The following DOCK3 variants were observed in gnomAD, a reference collection of about 807,000 sequenced individuals.
DOCK3 encodes the protein dedicator of cytokinesis protein 3.
DOCK3 carries 60 observed loss-of-function variants against 265.6 expected under a neutral mutation model. That is an observed-to-expected ratio of 0.23 (90% CI 0.18 to 0.28). The LOEUF (loss-of-function observed/expected upper bound fraction) is 0.28. Ranked by LOEUF, DOCK3 falls within the 10% of genes least tolerant of loss-of-function variation. The pLI, the probability that DOCK3 is intolerant of heterozygous loss-of-function variation, is 1.00. For missense variants in DOCK3, 1,981 were observed against 2,594.3 expected, an observed-to-expected ratio of 0.76 and a Z score of 5.14; for synonymous variants, 881 against 938.0, an observed-to-expected ratio of 0.94 and a Z score of 1.11.
chr3:50,679,340 A>G (rs1454722694), intron 1 of DOCK3, among the ~76,000 whole-genome samples: 2 of 152,186 alleles, frequency 1.3e-5, no homozygotes, highest in East Asian at 1.9e-4. Context: ...TTAGTAGAAC[A>G]TGAAAAATTT....
chr3:51,368,517 G>A (rs376642931), intron 49 of DOCK3, among the ~76,000 whole-genome samples: 160 of 152,292 alleles, frequency 1.1e-3, no homozygotes, highest in South Asian at 3.5e-3. Context: ...AGGGGCATCC[G>A]CCATTGCTGA....
chr3:51,294,089 G>T (rs1044325373), intron 27 of DOCK3, among the ~76,000 whole-genome samples: 14 of 152,134 alleles, frequency 9.2e-5, no homozygotes, highest in Admixed American at 3.9e-4. Context: ...CCACTTCTGG[G>T]TATATACCCA....
intron 1 of DOCK3, among the ~76,000 whole-genome samples, chr3:50,740,903 A>G (rs905411141): frequency 3.3e-5 from 5 of 152,138 alleles, no homozygotes; most frequent in Admixed American, 3.3e-4. Context: ...GTATATTCAC[A>G]GTGTGTAGCC....
chr3:50,713,179 T>C (rs1016957813), intron 1 of DOCK3, among the ~76,000 whole-genome samples: 2 of 152,232 alleles, frequency 1.3e-5, no homozygotes, highest in African/African-American at 4.8e-5. Flanking sequence ...GGAAGTCCTA[T>C]AAAGGAGACA....
chr3:50,712,296 A>C (rs1422162451), intron 1 of DOCK3, among the ~76,000 whole-genome samples: 1 of 152,204 alleles, frequency 6.6e-6, no homozygotes, highest in East Asian at 1.9e-4. Flanking sequence ...TTATAGCAAT[A>C]AATGTTCTCC....
chr3:51,142,840 G>C (rs1181820707), intron 9 of DOCK3, among the ~76,000 whole-genome samples: 1 of 151,910 alleles, frequency 6.6e-6, no homozygotes, highest in Non-Finnish European at 1.5e-5. Flanking sequence ...GTTTATGAGA[G>C]ATTTAGTTCT....
At chr3:51,189,905 A>G (rs1228438892) in intron 12 of DOCK3, among the ~76,000 whole-genome samples, 1 of 152,138 alleles carries the variant, frequency 6.6e-6, no homozygotes. Context: ...ACCACATTCC[A>G]GAAAGGCTTT....
chr3:51,228,614 A>G lies in DOCK3; in HGVS notation c.1648-47A>G, dbSNP rs369137143. 25 of 1,565,030 alleles carry G rather than the reference A, an allele frequency of 1.6e-5. No homozygotes were observed. In the African/African-American group the frequency reaches 2.1e-4, roughly 13 times the overall value. ...GAAATTCCTAGGACCTGGTTTTTGC[A>G]TGTTGCATGGCTCAGGGGACATTTT... On this transcript the variant is annotated intron_variant, in intron 17 of 52. Coordinates refer to ENST00000266037, the MANE Select transcript of DOCK3 (RefSeq NM_004947.5).
chr3:50,955,572 C>T (rs928071953), intron 5 of DOCK3, among the ~76,000 whole-genome samples: 1 of 152,122 alleles, frequency 6.6e-6, no homozygotes, highest in Non-Finnish European at 1.5e-5. Context: ...CCTTATCAAA[C>T]TGATGCGGGG....
At chr3:50,998,447 A>G (rs916836718) in intron 5 of DOCK3, among the ~76,000 whole-genome samples, 4 of 152,188 alleles carry the variant, frequency 2.6e-5, no homozygotes, top group African/African-American at 9.7e-5. Flanking sequence ...TCTTGGAGCT[A>G]GCATCAGTGG....
chr3:51,262,221 A>AG (rs1237858125), intron 23 of DOCK3, among the ~76,000 whole-genome samples: 1 of 152,194 alleles, frequency 6.6e-6, no homozygotes, highest in Non-Finnish European at 1.5e-5. Flanking sequence ...AGGAAGGAAT[A>AG]GGCAGCAATC....
intron 7 of DOCK3, among the ~76,000 whole-genome samples, chr3:51,082,823 G>C (rs2082289778): frequency 1.3e-5 from 2 of 152,112 alleles, no homozygotes; most frequent in South Asian, 4.2e-4. Context: ...CAGACCTATA[G>C]GATAGGTCTG....
At chr3:51,311,152 A>G (rs1387147813) in intron 28 of DOCK3, among the ~76,000 whole-genome samples, 1 of 152,248 alleles carries the variant, frequency 6.6e-6, no homozygotes, top group Admixed American at 6.5e-5. Flanking sequence ...TCTTAGCTCC[A>G]TTCAGAGCAC....
chr3:51,208,937 G>A lies in DOCK3; in HGVS notation c.1126+75G>A, dbSNP rs544509182. 6.9e-6 allele frequency: 9 copies of A among 1,300,774 alleles called. No homozygotes were observed. In the African/African-American group the frequency reaches 1.3e-4, roughly 19 times the overall value. The allele number at this position is 1,300,774 out of a possible 1,614,324, so 80.6% of individuals were successfully genotyped here. On this transcript the variant is annotated intron_variant, in intron 13 of 52. Coordinates refer to ENST00000266037, the MANE Select transcript of DOCK3 (RefSeq NM_004947.5). ...ACTCATACAGCACTTAGATTGGTTG[G>A]TGCAGATTGGCTGCTGTATTCCCTA...
intron 9 of DOCK3, among the ~76,000 whole-genome samples, chr3:51,114,559 A>G (rs1267903511): frequency 2.0e-5 from 3 of 152,316 alleles, no homozygotes; most frequent in African/African-American, 7.2e-5. Flanking sequence ...GCAGTGTAGG[A>G]ATATAGAGGC....
At chr3:51,288,391 C>CAA (rs35390396) in intron 27 of DOCK3, among the ~76,000 whole-genome samples, 2 of 87,220 alleles carry the variant, frequency 2.3e-5, no homozygotes, top group Non-Finnish European at 2.4e-5. Context: ...GACTCCGTCT[C>CAA]AAAAAAAAAA....
rs1560503762 is a variant in DOCK3 at position 51,361,214 on chromosome 3, TGGA to T, written c.5006+590_5006+592del. On this transcript the variant is annotated intron_variant, in intron 47 of 52. Coordinates refer to ENST00000266037, the MANE Select transcript of DOCK3 (RefSeq NM_004947.5). The surrounding 1 kb of genome is among the most constrained non-coding windows in gnomAD (Gnocchi z 4.2). The stretch of plus-strand genomic sequence containing the variant: ...AGCCTCTAGGCCAGGAAGGCCAAGT[TGGA>T]GGAGGAGACTAGTGAGAGGAGCCCC... Among the ~76,000 whole-genome samples, 1 of 152,184 alleles carries T rather than the reference TGGA, an allele frequency of 6.6e-6. No homozygotes were observed. The highest frequency in any genetic ancestry group is 1.9e-4 in the East Asian group (1 of 5,192).
intron 9 of DOCK3, among the ~76,000 whole-genome samples, chr3:51,141,716 C>T (rs910148269): frequency 1.3e-5 from 2 of 151,986 alleles, no homozygotes; most frequent in Non-Finnish European, 2.9e-5. Context: ...TTTAGAGAGG[C>T]AAAAACGGAA....
chr3:50,762,344 A>G (rs2040586649), intron 1 of DOCK3, among the ~76,000 whole-genome samples: 2 of 152,220 alleles, frequency 1.3e-5, no homozygotes, highest in Admixed American at 1.3e-4. Flanking sequence ...AAGACAATAA[A>G]TAAAAAACCA....
Sources: allele counts gnomAD v4.1 joint callset (sites outside exome capture counted in the v4.1 genomes callset), GRCh38; gene constraint gnomAD v4.1.1; non-coding constraint Gnocchi (gnomAD v3.1); transcripts MANE v1.5; gene names NCBI Gene and HGNC (gene_info 2026-07-23, HGNC 2026-07-21).